SOX6: variants seen among roughly 807,000 people sequenced by gnomAD.
SOX6 encodes transcription factor SOX-6.
Under a neutral mutation model 97.8 loss-of-function variants are expected in SOX6, and 11 were observed. The ratio of observed to expected loss-of-function variants is 0.11; its 90% CI spans 0.07 to 0.19. The LOEUF is 0.19. Ranked by LOEUF, SOX6 falls within the 10% of genes least tolerant of loss-of-function variation. SOX6 has a pLI of 1.00. For missense variants in SOX6, 810 were observed against 1,039.5 expected (o/e 0.78, Z 3.04); for synonymous variants, 360 against 371.4 (o/e 0.97, Z 0.35).
At chr11:15,993,630 G>A (rs1854126001) in intron 13 of SOX6, among the ~76,000 whole-genome samples, 1 of 152,210 alleles carries the variant, frequency 6.6e-6, no homozygotes, top group African/African-American at 2.4e-5. Flanking sequence ...AGGAGAGGCT[G>A]CTCTGTACAA....
rs748606709 is a variant in SOX6, at chr11:15,972,622, A to T, written c.*187T>A. The stretch of plus-strand genomic sequence containing the variant: ...AAACAACAACAACAACAATAACAAT[A>T]ACAACAAAAAACTCAAGTTCATGAA... On this transcript the variant is annotated 3_prime_UTR_variant, in exon 16 of 16. Transcript: ENST00000683767. 46 of 636,676 alleles carry T rather than the reference A, an allele frequency of 7.2e-5. No homozygotes were observed. Among genetic ancestry groups the T allele is most frequent in the Non-Finnish European group, 1.1e-4 (39 of 370,788 alleles). 39.4% of individuals were successfully genotyped at this position (636,676 alleles called of 1,614,324 possible).
chr11:16,013,075 C>T (rs1172664313), intron 13 of SOX6, among the ~76,000 whole-genome samples: 1 of 151,898 alleles, frequency 6.6e-6, no homozygotes, highest in East Asian at 1.9e-4. Context: ...CATGATATCA[C>T]TAACTAGGTA....
intron 3 of SOX6, among the ~76,000 whole-genome samples, chr11:16,241,071 T>C (rs1432687327): frequency 1.3e-5 from 2 of 152,106 alleles, no homozygotes; most frequent in Non-Finnish European, 2.9e-5. Flanking sequence ...AGTGGTCAAC[T>C]GCCAGTTCTC....
At chr11:16,634,922 T>TC (rs1243406878) in intron 3 of SOX6, among the ~76,000 whole-genome samples, 1 of 152,182 alleles carries the variant, frequency 6.6e-6, no homozygotes, top group Non-Finnish European at 1.5e-5. Flanking sequence ...AAGGGTTTTT[T>TC]CCCACCCTTC....
chr11:16,087,171 G>A (rs1311177185), intron 9 of SOX6, among the ~76,000 whole-genome samples: 1 of 151,870 alleles, frequency 6.6e-6, no homozygotes, highest in Non-Finnish European at 1.5e-5. Flanking sequence ...TTACACAAAG[G>A]CTAAATATAA....
Position 16,661,532 on chromosome 11 carries a change from T to G in SOX6, n.430-49272A>C, listed in dbSNP as rs138946152. On this transcript the variant is annotated intron_variant and non_coding_transcript_variant, in intron 3 of 5. Coordinates refer to the SOX6 transcript ENST00000524520. ...TTAAAAAAAATCTTACCCTCTTTTC[T>G]GCCTTCCCTGGTCTTTTTTTTCTTT... Among the ~76,000 whole-genome samples the G allele has an allele frequency of 8.1e-3, 1,226 of 152,272 alleles. 20 individuals carry two copies. The highest frequency in any genetic ancestry group is 0.027 in the African/African-American group (1,113 of 41,550).
intron 3 of SOX6, among the ~76,000 whole-genome samples, chr11:16,676,537 A>G (rs960430530): frequency 6.6e-6 from 1 of 152,118 alleles, no homozygotes; most frequent in African/African-American, 2.4e-5. Flanking sequence ...AGAATCTTCA[A>G]CCTTCTCTGG....
At chr11:16,470,231 G>T (rs1860116321) in intron 1 of SOX6, among the ~76,000 whole-genome samples, 1 of 152,066 alleles carries the variant, frequency 6.6e-6, no homozygotes, top group Non-Finnish European at 1.5e-5. Flanking sequence ...CCTATTTGTG[G>T]ATTTTCACAG....
At chr11:16,440,266 AT>A (rs1204763586) in intron 1 of SOX6, among the ~76,000 whole-genome samples, 1 of 152,230 alleles carries the variant, frequency 6.6e-6, no homozygotes, top group Non-Finnish European at 1.5e-5. Flanking sequence ...TCACACTGGA[AT>A]AATTAGAACA....
At chr11:16,386,172 C>T (rs1410519481) in intron 1 of SOX6, among the ~76,000 whole-genome samples, 3 of 151,916 alleles carry the variant, frequency 2.0e-5, no homozygotes, top group Non-Finnish European at 4.4e-5. Flanking sequence ...CGTTCTTATA[C>T]ATGTGGTTTT....
intron 2 of SOX6, among the ~76,000 whole-genome samples, chr11:16,729,769 GAC>G (rs1848334474): frequency 6.6e-6 from 1 of 152,028 alleles, no homozygotes; most frequent in Admixed American, 6.6e-5. Context: ...CCAGTTAAAA[GAC>G]ACAGACTGGC....
At chr11:16,223,348 T>A (rs1262611547) in intron 4 of SOX6, among the ~76,000 whole-genome samples, 1 of 152,096 alleles carries the variant, frequency 6.6e-6, no homozygotes. Flanking sequence ...GATAAGAAAA[T>A]GCTACAAAAA....
intron 3 of SOX6, among the ~76,000 whole-genome samples, chr11:16,684,377 A>G (rs1043802431): frequency 6.6e-6 from 1 of 152,208 alleles, no homozygotes; most frequent in Non-Finnish European, 1.5e-5. Context: ...TGGCACATAT[A>G]CACCATGGAA....
At chr11:16,060,711 G>A (rs1013347372) in intron 9 of SOX6, among the ~76,000 whole-genome samples, 1 of 151,824 alleles carries the variant, frequency 6.6e-6, no homozygotes, top group African/African-American at 2.4e-5. Flanking sequence ...TTTGTTCCAT[G>A]TGTAAGACTC....
intron 6 of SOX6, among the ~76,000 whole-genome samples, chr11:16,171,640 G>GA (rs1819938385): frequency 6.6e-6 from 1 of 151,678 alleles, no homozygotes; most frequent in Non-Finnish European, 1.5e-5. Flanking sequence ...AATAACCCTT[G>GA]AAAAAATAAA....
chr11:16,681,596 A>C (rs565125253), intron 3 of SOX6, among the ~76,000 whole-genome samples: 2 of 152,344 alleles, frequency 1.3e-5, no homozygotes, highest in Non-Finnish European at 2.9e-5. Context: ...AGAAGGCAAG[A>C]AATAACTAAG....
intron 6 of SOX6, among the ~76,000 whole-genome samples, chr11:16,134,956 T>C (rs1849923692): frequency 1.3e-5 from 2 of 152,196 alleles, no homozygotes; most frequent in South Asian, 4.1e-4. Flanking sequence ...GCTGACTCTC[T>C]TGGGAGGGGC....
intron 1 of SOX6, among the ~76,000 whole-genome samples, chr11:16,458,700 C>T (rs1469356751): frequency 2.6e-5 from 4 of 152,010 alleles, no homozygotes; most frequent in South Asian, 4.1e-4. Context: ...GGACTAACAG[C>T]GACCAGATTT....
intron 1 of SOX6, among the ~76,000 whole-genome samples, chr11:16,382,029 T>A (rs533491027): frequency 1.3e-5 from 2 of 152,142 alleles, no homozygotes; most frequent in African/African-American, 4.8e-5. Context: ...TAAACCACCA[T>A]TAAAATAGGC....
Sources: gnomAD v4.1 joint callset for allele counts (sites outside exome capture counted in the v4.1 genomes callset) on GRCh38, gnomAD v4.1.1 for gene constraint, MANE v1.5 for transcripts, NCBI Gene and HGNC (gene_info 2026-07-23, HGNC 2026-07-21) for gene names.